ASTN1: variants seen among roughly 807,000 people sequenced by gnomAD.
ASTN1 encodes astrotactin 1, also known as astrotactin-1.
A neutral mutation model predicts 140.7 loss-of-function variants in ASTN1; 41 were observed. The ratio of observed to expected loss-of-function variants is 0.29; its 90% CI spans 0.23 to 0.38. The LOEUF is 0.38. ASTN1 is among the 10% of genes least tolerant of loss of function. The probability of loss-of-function intolerance (pLI) is 1.00; values close to 1 mark genes in which losing one functional copy is unlikely to be tolerated. For synonymous variants in ASTN1, 640 were observed against 652.2 expected (o/e 0.98, Z 0.29); for missense variants, 1,479 against 1,678.8 (o/e 0.88, Z 2.08).
Position 176,861,780 on chromosome 1 carries a change from A to T in ASTN1, c.*2504T>A. 1.0e-6 allele frequency: 1 copy of T among 985,560 alleles called. No homozygotes were observed. Among genetic ancestry groups the T allele is most frequent in the Non-Finnish European group, 1.2e-6 (1 of 830,036 alleles). 61.1% of individuals were successfully genotyped at this position (985,560 alleles called of 1,614,324 possible). ...TCTTGGGGAAAGAGGAGGCCAAAAA[A>T]GGAGGGTCACAGAAAGAAGAAGTAA... On this transcript the variant is annotated 3_prime_UTR_variant, in exon 23 of 23. Transcript: ENST00000361833.
intron 7 of ASTN1, among the ~76,000 whole-genome samples, chr1:177,016,938 G>A (rs544883782): frequency 1.4e-4 from 22 of 152,320 alleles, no homozygotes; most frequent in African/African-American, 4.6e-4. Flanking sequence ...AGTAACCTTA[G>A]GAGTTTGTCA....
intron 5 of ASTN1, among the ~76,000 whole-genome samples, chr1:177,025,795 G>A (rs149880293): frequency 6.6e-6 from 1 of 152,302 alleles, no homozygotes; most frequent in African/African-American, 2.4e-5. Flanking sequence ...GACGCTCCTT[G>A]TGGCAATTAA....
At chr1:176,976,538 T>A (rs1673372320) in intron 8 of ASTN1, 1 of 152,268 alleles carries the variant, frequency 6.6e-6, no homozygotes, top group South Asian at 2.1e-4. Flanking sequence ...GTGGGTTAGC[T>A]CTGAAGTCAG....
chr1:177,006,139 T>G (rs2101922831), intron 8 of ASTN1, among the ~76,000 whole-genome samples: 1 of 152,218 alleles, frequency 6.6e-6, no homozygotes, highest in South Asian at 2.1e-4. Context: ...AAATTGAAGG[T>G]TTTAACTTTG....
At chr1:176,942,253 T>C (rs1671749394) in intron 14 of ASTN1, among the ~76,000 whole-genome samples, 1 of 152,120 alleles carries the variant, frequency 6.6e-6, no homozygotes, top group Non-Finnish European at 1.5e-5. Context: ...AGGAAGATAG[T>C]ATTAGAATGC....
chr1:177,151,704 A>G (rs1304556505), intron 1 of ASTN1, among the ~76,000 whole-genome samples: 2 of 152,204 alleles, frequency 1.3e-5, no homozygotes, highest in East Asian at 3.8e-4. Context: ...CAGAAAAGAA[A>G]AAGTTCATCT....
At chr1:177,117,324 T>C (rs1412415431) in intron 1 of ASTN1, among the ~76,000 whole-genome samples, 1 of 152,178 alleles carries the variant, frequency 6.6e-6, no homozygotes, top group Non-Finnish European at 1.5e-5. Flanking sequence ...TTACAGCTAC[T>C]GGAATCATTT....
chr1:177,157,088 C>T (rs551936930), intron 1 of ASTN1, among the ~76,000 whole-genome samples: 1 of 152,072 alleles, frequency 6.6e-6, no homozygotes, highest in Non-Finnish European at 1.5e-5. Flanking sequence ...GATCCTGGAA[C>T]AGAAAAACAA....
At chr1:177,142,654 A>G (rs1047774173) in intron 1 of ASTN1, among the ~76,000 whole-genome samples, 2 of 152,248 alleles carry the variant, frequency 1.3e-5, no homozygotes, top group Non-Finnish European at 2.9e-5. Flanking sequence ...GATCTTAAAA[A>G]TCAGTAGACT....
At chr1:176,869,707 TGA>T (rs1345705395) in intron 21 of ASTN1, among the ~76,000 whole-genome samples, 1 of 152,162 alleles carries the variant, frequency 6.6e-6, no homozygotes, top group African/African-American at 2.4e-5. Context: ...ATGATTGGTC[TGA>T]GTGTGTTCCC....
At chr1:177,113,316 G>A (rs1039438812) in intron 1 of ASTN1, among the ~76,000 whole-genome samples, 8 of 152,172 alleles carry the variant, frequency 5.3e-5, no homozygotes, top group African/African-American at 1.9e-4. Flanking sequence ...AACAGCTGGT[G>A]GCTTCTCATG....
intron 2 of ASTN1, among the ~76,000 whole-genome samples, chr1:177,033,810 G>A (rs2101979734): frequency 6.6e-6 from 1 of 152,230 alleles, no homozygotes; most frequent in East Asian, 1.9e-4. Context: ...TGCCAGAGGT[G>A]AGGATGCAGA....
At chr1:176,872,208 T>A (rs2056979) in intron 21 of ASTN1, among the ~76,000 whole-genome samples, 34,415 of 147,350 alleles carry the variant, frequency 0.23, 4,196 homozygotes, top group Middle Eastern at 0.37. Flanking sequence ...TTTTTTTTTT[T>A]AAAAAAAAGC....
chr1:176,904,713 G>C (rs1300082706), intron 16 of ASTN1, among the ~76,000 whole-genome samples: 1 of 152,118 alleles, frequency 6.6e-6, no homozygotes, highest in Non-Finnish European at 1.5e-5. Context: ...GACCACTCAG[G>C]AGCAAATGCT....
rs563386806 is a variant in ASTN1, at chr1:177,010,156, T to A, written c.1523+4635A>T. ...TCAATCTCTCTTGCCTCCTCCACCC[T>A]TGTTTATTGTTTTCAATTCTCTTCT... On this transcript the variant is annotated intron_variant, in intron 8 of 22. Transcript: ENST00000361833. Among the ~76,000 whole-genome samples, 11 of 152,338 alleles carry A rather than the reference T, an allele frequency of 7.2e-5. No homozygotes were observed. The East Asian group carries it at 1.4e-3, about 19-fold the overall frequency.
intron 16 of ASTN1, among the ~76,000 whole-genome samples, chr1:176,897,435 C>T (rs980068755): frequency 2.6e-5 from 4 of 152,130 alleles, no homozygotes; most frequent in African/African-American, 9.7e-5. Flanking sequence ...CTCTTACCCA[C>T]CTTCTAATTA....
intron 16 of ASTN1, among the ~76,000 whole-genome samples, chr1:176,922,757 A>T (rs1670791212): frequency 6.6e-6 from 1 of 152,122 alleles, no homozygotes; most frequent in Non-Finnish European, 1.5e-5. Context: ...GTGACTTCTG[A>T]AATATACATC....
At chr1:177,005,441 G>C (rs1038904306) in intron 8 of ASTN1, among the ~76,000 whole-genome samples, 5 of 152,090 alleles carry the variant, frequency 3.3e-5, no homozygotes, top group Admixed American at 6.6e-5. Flanking sequence ...ATTAAAAGTA[G>C]ACCTAACATT....
At chr1:177,090,015 C>T (rs1679667896) in intron 1 of ASTN1, among the ~76,000 whole-genome samples, 4 of 152,052 alleles carry the variant, frequency 2.6e-5, no homozygotes. Context: ...AAAACACACA[C>T]ACAACACACA....
Sources: allele counts gnomAD v4.1 joint callset (sites outside exome capture counted in the v4.1 genomes callset), GRCh38; gene constraint gnomAD v4.1.1; transcripts MANE v1.5; gene names NCBI Gene and HGNC (gene_info 2026-07-23, HGNC 2026-07-21).